The following FAM216A variants were observed in gnomAD, a reference collection of about 807,000 sequenced individuals.
The protein encoded by FAM216A is family with sequence similarity 216 member A.
Under a neutral mutation model 37.6 loss-of-function variants are expected in FAM216A, and 26 were observed. That is an observed-to-expected ratio of 0.69 (90% CI 0.51 to 0.96). The LOEUF is 0.96. FAM216A is among the 40% of genes least tolerant of loss of function. FAM216A has a pLI of 0.00. For synonymous variants in FAM216A, 110 were observed against 121.7 expected, an observed-to-expected ratio of 0.90 and a Z score of 0.64; for missense variants, 326 against 339.3, an observed-to-expected ratio of 0.96 and a Z score of 0.31.
chr12:110,484,959 C>G, intron 2 of FAM216A, 119 bp from the exon 3 acceptor site: 2 of 986,096 alleles, frequency 2.0e-6, no homozygotes, highest in Non-Finnish European at 2.9e-6. Flanking sequence ...CTCGGCCTCC[C>G]AAAGTGCTGG....
chr12:110,479,734 A>T (rs1369939916), intron 2 of FAM216A, among the ~76,000 whole-genome samples: 1 of 151,868 alleles, frequency 6.6e-6, no homozygotes, highest in African/African-American at 2.4e-5. Flanking sequence ...GCTACTTGGG[A>T]GACTGAGGCA....
intron 6 of FAM216A, 28 bp from the exon 7 acceptor site, chr12:110,489,991 C>A (rs781129238): frequency 9.4e-7 from 1 of 1,064,772 alleles, no homozygotes; most frequent in Non-Finnish European, 1.5e-6. Flanking sequence ...CCAAAACAGA[C>A]AATTGTAAAT....
upstream of FAM216A, chr12:110,468,728 G>A: frequency 4.7e-6 from 7 of 1,497,590 alleles, no homozygotes; most frequent in South Asian, 2.6e-5. Context: ...CTCCCCCACC[G>A]TAACTCCGGG....
chr12:110,476,947 C>T (rs942578128), intron 2 of FAM216A, among the ~76,000 whole-genome samples: 1 of 152,196 alleles, frequency 6.6e-6, no homozygotes, highest in Non-Finnish European at 1.5e-5. Flanking sequence ...GCCTCAACCT[C>T]CTGGGCTCAG....
intron 2 of FAM216A, among the ~76,000 whole-genome samples, chr12:110,474,373 C>T (rs866205690): frequency 3.9e-5 from 6 of 151,900 alleles, no homozygotes; most frequent in Middle Eastern, 3.4e-3. Context: ...CTCTGAAAGG[C>T]AATATGTCAA....
intron 2 of FAM216A, among the ~76,000 whole-genome samples, chr12:110,477,573 G>A (rs2062721746): frequency 6.6e-6 from 1 of 151,888 alleles, no homozygotes; most frequent in Non-Finnish European, 1.5e-5. Flanking sequence ...AGCCAGGATG[G>A]TGTCTATCTC....
intron 6 of FAM216A, 127 bp from the exon 7 acceptor site, chr12:110,489,892 A>C (rs1189067846): frequency 1.7e-6 from 1 of 591,778 alleles, no homozygotes; most frequent in Non-Finnish European, 3.0e-6. Context: ...GAGGTGACTA[A>C]GAGCCTTGAA....
At chr12:110,483,251 G>T (rs534992264) in intron 2 of FAM216A, among the ~76,000 whole-genome samples, 1 of 150,706 alleles carries the variant, frequency 6.6e-6, no homozygotes, top group South Asian at 2.1e-4. Flanking sequence ...GTGAACCCGG[G>T]AGGTGGAGCT....
Position 110,490,336 on chromosome 12 carries a change from ATATACT to A in FAM216A, c.*201_*206del, listed in dbSNP as rs2062805127. On this transcript the variant is annotated 3_prime_UTR_variant, in exon 7 of 7. Transcript: ENST00000377673. Reference sequence around the variant, plus strand: ...TTATGTAAGAAAATTTACATGTAACATATACTTGTACTTCTAGCTAGATACAATTAA... The same window carrying A: ...TTATGTAAGAAAATTTACATGTAACATGTACTTCTAGCTAGATACAATTAA... 1.8e-6 allele frequency: 1 copy of A among 546,966 alleles called. No individual in the cohort carries two copies. Among genetic ancestry groups the A allele is most frequent in the African/African-American group, 1.9e-5 (1 of 51,668 alleles). The allele number at this position is 546,966 out of a possible 1,614,324, so 33.9% of individuals were successfully genotyped here.
At chr12:110,477,618 A>C (rs1192264638) in intron 2 of FAM216A, among the ~76,000 whole-genome samples, 1 of 151,966 alleles carries the variant, frequency 6.6e-6, no homozygotes, top group Non-Finnish European at 1.5e-5. Context: ...GGCCTCCCAA[A>C]GTGCTGGGAT....
In FAM216A at chr12:110,486,425, A is replaced by G. The variant is rs1216267564; in HGVS notation, c.407A>G (p.His136Arg). ...ATGTTAATGAAGAGGCAGTACATGC[A>G]CGTACTTCAGCACAGCTCACAAAAG... ...LKMLMKRQYM[H>R]VLQHSSQKPG... The change falls in exon 4 of 7, where the codon CAC becomes CGC. Residue 136 changes from histidine to arginine, a missense_variant. His to Arg is a conservative substitution (Grantham distance 29). Coordinates refer to ENST00000377673, the MANE Select transcript of FAM216A (RefSeq NM_013300.3). 6.2e-7 allele frequency: 1 copy of G among 1,614,040 alleles called. No homozygotes were observed. The highest frequency in any genetic ancestry group is 1.1e-5 in the South Asian group (1 of 91,082).
intron 2 of FAM216A, among the ~76,000 whole-genome samples, chr12:110,482,091 T>C (rs1215398800): frequency 6.6e-6 from 1 of 151,922 alleles, no homozygotes; most frequent in Non-Finnish European, 1.5e-5. Flanking sequence ...ATATACTTTT[T>C]TTTTTTTTGA....
chr12:110,488,343 G>A (rs1444599254), intron 6 of FAM216A, among the ~76,000 whole-genome samples: 1 of 151,304 alleles, frequency 6.6e-6, no homozygotes, highest in Non-Finnish European at 1.5e-5. Context: ...CCTGGGAGGC[G>A]GAGGTTGGAG....
At chr12:110,476,203 GT>G (rs59041502) in intron 2 of FAM216A, among the ~76,000 whole-genome samples, 75 of 142,070 alleles carry the variant, frequency 5.3e-4, no homozygotes, top group Admixed American at 1.1e-3. Context: ...AGTTGTCAAT[GT>G]TTTTTTTTTT....
At chr12:110,474,734 G>C (rs2062705947) in intron 2 of FAM216A, among the ~76,000 whole-genome samples, 1 of 148,256 alleles carries the variant, frequency 6.7e-6, no homozygotes, top group Non-Finnish European at 1.5e-5. Context: ...GGGCGCCGTG[G>C]CTCACGCCTG....
chr12:110,486,984 G>T, intron 5 of FAM216A: 1 of 361,556 alleles, frequency 2.8e-6, no homozygotes, highest in Non-Finnish European at 5.0e-6. Flanking sequence ...TCTCACCTCC[G>T]CCTCCCAAAG....
intron 2 of FAM216A, among the ~76,000 whole-genome samples, chr12:110,475,989 C>T (rs1248503559): frequency 2.0e-5 from 3 of 151,612 alleles, no homozygotes; most frequent in South Asian, 2.1e-4. Context: ...CTGAACACCT[C>T]GGCCTCCCAA....
chr12:110,471,983 G>A (rs1307347330), intron 1 of FAM216A, among the ~76,000 whole-genome samples: 2 of 151,988 alleles, frequency 1.3e-5, no homozygotes, highest in Admixed American at 1.3e-4. Context: ...TGTAATCCCA[G>A]CACTTTGGGA....
intron 1 of FAM216A, among the ~76,000 whole-genome samples, chr12:110,470,627 G>A (rs561435972): frequency 1.2e-4 from 18 of 152,028 alleles, no homozygotes; most frequent in South Asian, 4.2e-4. Flanking sequence ...ACAGGTGTGC[G>A]CCACCACGTA....
Sources: allele counts gnomAD v4.1 joint callset (sites outside exome capture counted in the v4.1 genomes callset), GRCh38; gene constraint gnomAD v4.1.1; transcripts MANE v1.5; gene names NCBI Gene and HGNC (gene_info 2026-07-23, HGNC 2026-07-21).